Variants in EVI5 observed in about 807,000 individuals in gnomAD.
EVI5 encodes ecotropic viral integration site 5, also known as ecotropic viral integration site 5 protein homolog.
In EVI5, 73 loss-of-function variants were observed where a neutral mutation model predicts 112.0. That is an observed-to-expected ratio of 0.65 (90% CI 0.54 to 0.79). The LOEUF is 0.79. EVI5 is among the 30% of genes least tolerant of loss of function. The pLI, the probability that EVI5 is intolerant of heterozygous loss-of-function variation, is 0.00. For synonymous variants in EVI5, 305 were observed against 319.9 expected (o/e 0.95, Z 0.50); for missense variants, 900 against 968.8 (o/e 0.93, Z 0.94).
At chr1:92,664,683 T>G (rs1558024716) in intron 11 of EVI5, among the ~76,000 whole-genome samples, 2 of 152,250 alleles carry the variant, frequency 1.3e-5, no homozygotes, top group Non-Finnish European at 2.9e-5. Flanking sequence ...ATATGATGTA[T>G]CTGCAATTAT....
At chr1:92,628,077 C>A (rs1266612938) in intron 14 of EVI5, among the ~76,000 whole-genome samples, 1 of 152,150 alleles carries the variant, frequency 6.6e-6, no homozygotes. Context: ...CGTGAGCCAC[C>A]GCACCCAGCC....
intron 18 of EVI5, among the ~76,000 whole-genome samples, chr1:92,590,904 C>T (rs547819703): frequency 6.6e-6 from 1 of 152,226 alleles, no homozygotes; most frequent in African/African-American, 2.4e-5. Flanking sequence ...ATTAGACTAA[C>T]AGCTGATCTC....
intron 18 of EVI5, among the ~76,000 whole-genome samples, chr1:92,581,239 C>T (rs1671884898): frequency 6.6e-6 from 1 of 152,180 alleles, no homozygotes; most frequent in Admixed American, 6.5e-5. Flanking sequence ...AAGAAAAAAC[C>T]TAGCTAAACA....
intron 2 of EVI5, among the ~76,000 whole-genome samples, chr1:92,721,541 G>C (rs542407904): frequency 6.6e-6 from 1 of 152,098 alleles, no homozygotes; most frequent in Non-Finnish European, 1.5e-5. Context: ...GTGGAGGGCT[G>C]GGGGAGGGAT....
chr1:92,566,815 T>TC (rs1669562179), intron 18 of EVI5, among the ~76,000 whole-genome samples: 1 of 140,166 alleles, frequency 7.1e-6, no homozygotes, highest in Admixed American at 7.1e-5. Context: ...TTTTTTTTTT[T>TC]TTTTTTTTTT....
At chr1:92,621,506 G>A (rs986370829) in intron 16 of EVI5, among the ~76,000 whole-genome samples, 2 of 152,084 alleles carry the variant, frequency 1.3e-5, no homozygotes, top group African/African-American at 4.8e-5. Context: ...TAGAGATGGG[G>A]TTTCACCGTG....
chr1:92,617,251 A>C (rs1479217296), intron 16 of EVI5, among the ~76,000 whole-genome samples: 1 of 152,212 alleles, frequency 6.6e-6, no homozygotes, highest in Admixed American at 6.5e-5. Flanking sequence ...TCTGCATGGA[A>C]GTAGAAATGG....
At chr1:92,695,265 G>A in intron 7 of EVI5, 45 bp downstream of exon 7, 1 of 1,540,472 alleles carries the variant, frequency 6.5e-7, no homozygotes, top group Non-Finnish European at 8.8e-7. Flanking sequence ...CTAACTCAGT[G>A]ACCCCTTTGC....
rs995646211 is a variant in EVI5, at chr1:92,719,828, T to C, written c.150-15084A>G. Among the ~76,000 whole-genome samples, 3 of 151,974 alleles carry C rather than the reference T, an allele frequency of 2.0e-5. 1 individual carries two copies. The highest frequency in any genetic ancestry group is 4.4e-5 in the Non-Finnish European group (3 of 67,988). ...GTCTCAGCCCAAAATCTCCTTAAGC[T>C]GATAAGCAACTTCATACAAAATCAA... On this transcript the variant is annotated intron_variant, in intron 2 of 19. Coordinates refer to ENST00000684568, the MANE Select transcript of EVI5 (RefSeq NM_001350197.2).
chr1:92,629,923 A>G (rs1656584242), intron 14 of EVI5, among the ~76,000 whole-genome samples: 1 of 147,906 alleles, frequency 6.8e-6, no homozygotes, highest in Non-Finnish European at 1.5e-5. Flanking sequence ...GGTGTTTGGT[A>G]TTTTGTCCTT....
chr1:92,693,053 T>C (rs2065917), intron 9 of EVI5, among the ~76,000 whole-genome samples: 140,259 of 152,254 alleles, frequency 0.92, 64,691 homozygotes, highest in East Asian at 0.97. Context: ...TAGAAAGTAG[T>C]ACAAAAAATA....
rs1199756801 is a variant in EVI5 at position 92,695,354 on chromosome 1, G to GAA, written c.863_864dup (p.Pro289PhefsTer18). 6.2e-7 allele frequency: 1 copy of GAA among 1,609,818 alleles called. No individual in the cohort carries two copies. The highest frequency in any genetic ancestry group is 8.5e-7 in the Non-Finnish European group (1 of 1,176,670). The stretch of plus-strand genomic sequence containing the variant: ...AATATCCTTGTTGCAATTGGTAGTG[G>GAA]AAAAGTTGTAAGAAAGATAGTCAGA... On this transcript the variant is annotated frameshift_variant, in exon 7 of 20. Coordinates refer to ENST00000684568, the MANE Select transcript of EVI5 (RefSeq NM_001350197.2). LOFTEE classifies it high-confidence loss of function.
At chr1:92,599,221 A>G (rs978659844) in intron 18 of EVI5, among the ~76,000 whole-genome samples, 3 of 151,972 alleles carry the variant, frequency 2.0e-5, no homozygotes, top group Non-Finnish European at 4.4e-5. Flanking sequence ...GCAGGCTTTC[A>G]TTATATGAAT....
At chr1:92,700,936 G>GA (rs1428964847) in intron 5 of EVI5, 1 of 152,120 alleles carries the variant, frequency 6.6e-6, no homozygotes, top group Non-Finnish European at 1.5e-5. Context: ...CGCAAAGCTG[G>GA]AAAATCATAA....
At position 92,624,324 on chromosome 1, in the gene EVI5, G is replaced by A. The variant is rs753055293; in HGVS notation, c.1679C>T (p.Ala560Val). 3 of 1,613,028 alleles carry A rather than the reference G, an allele frequency of 1.9e-6. No homozygotes were observed. Among genetic ancestry groups the A allele is most frequent in the Non-Finnish European group, 2.5e-6 (3 of 1,179,356 alleles). ...DLEEHWQRHL[A>V]RTTGRWKDPP... is the part of the protein sequence containing the mutation. Reference sequence around the variant, plus strand: ...GTCTTTCCATCTCCCAGTAGTACGAGCTAAGTGGCGCTAAAGCATAAAAAA... The same window carrying A: ...GTCTTTCCATCTCCCAGTAGTACGAACTAAGTGGCGCTAAAGCATAAAAAA... The change falls in exon 16 of 20, where the codon GCT becomes GTT. Residue 560 changes from alanine to valine, a missense_variant. Coordinates refer to ENST00000684568, the MANE Select transcript of EVI5 (RefSeq NM_001350197.2).
chr1:92,725,431 C>G (rs1675414438), intron 2 of EVI5, among the ~76,000 whole-genome samples: 1 of 152,008 alleles, frequency 6.6e-6, no homozygotes, highest in Non-Finnish European at 1.5e-5. Context: ...GAACAAAATT[C>G]AAGAATATTT....
rs571444805 is a variant in EVI5, at chr1:92,518,473, AG to A, written c.2167-4504del. Among the ~76,000 whole-genome samples, 264 of 152,262 alleles carry A rather than the reference AG, an allele frequency of 1.7e-3. 1 individual carries two copies. The highest frequency in any genetic ancestry group is 5.8e-3 in the African/African-American group (242 of 41,532). On this transcript the variant is annotated intron_variant, in intron 19 of 19. Transcript: ENST00000684568. ...GAGGGAATCTGGGATTCCCCCCAAAAGGATCTCAGTTTGATCACCCTACAAT... is the reference window on the plus strand; with the variant it reads ...GAGGGAATCTGGGATTCCCCCCAAAAGATCTCAGTTTGATCACCCTACAAT...
In EVI5 at chr1:92,592,420, A is replaced by C. The variant is rs1674118951; in HGVS notation, c.2070+12887T>G. ...AGAATCTCTGGGACACATTCCAAGC[A>C]GTGTGTAGAGGGAAATTTATAGCCT... On this transcript the variant is annotated intron_variant, in intron 18 of 19. Transcript: ENST00000684568. Among the ~76,000 whole-genome samples the C allele has an allele frequency of 3.3e-5, 5 of 152,378 alleles. No individual in the cohort carries two copies. In the South Asian group the frequency reaches 1.0e-3, roughly 32 times the overall value.
chr1:92,547,910 C>A (rs1666054314), intron 19 of EVI5, among the ~76,000 whole-genome samples: 1 of 152,210 alleles, frequency 6.6e-6, no homozygotes, highest in African/African-American at 2.4e-5. Flanking sequence ...CCGAATTCCA[C>A]CAGAGGTACA....
Sources: gnomAD v4.1 joint callset for allele counts (sites outside exome capture counted in the v4.1 genomes callset) on GRCh38, gnomAD v4.1.1 for gene constraint, MANE v1.5 for transcripts, NCBI Gene and HGNC (gene_info 2026-07-23, HGNC 2026-07-21) for gene names.